Variants in BEND7 observed in about 807,000 individuals in gnomAD.
BEND7 encodes BEN domain containing 7.
A neutral mutation model predicts 50.9 loss-of-function variants in BEND7; 28 were observed. The observed-to-expected ratio is 0.55, with a 90% confidence interval of 0.41 to 0.75. BEND7 has a LOEUF of 0.75. Ranked by LOEUF, BEND7 falls within the 30% of genes least tolerant of loss-of-function variation. The probability of loss-of-function intolerance (pLI) is 0.00; values close to 1 mark genes in which losing one functional copy is unlikely to be tolerated. For missense variants in BEND7, 477 were observed against 491.3 expected (o/e 0.97, Z 0.28); for synonymous variants, 170 against 183.9 (o/e 0.92, Z 0.61).
chr10:13,504,881 A>C (rs1362876494), intron 2 of BEND7, among the ~76,000 whole-genome samples: 4 of 152,200 alleles, frequency 2.6e-5, no homozygotes, highest in Non-Finnish European at 5.9e-5. Context: ...TCAAGACTCT[A>C]CTAGATCACG....
intron 1 of BEND7, among the ~76,000 whole-genome samples, chr10:13,528,209 C>T (rs1401918694): frequency 6.6e-6 from 1 of 151,968 alleles, no homozygotes; most frequent in East Asian, 1.9e-4. Context: ...GAGGAGGGCT[C>T]GGGCCCCCCG....
intron 6 of BEND7, among the ~76,000 whole-genome samples, chr10:13,478,614 G>T (rs773742958): frequency 2.0e-5 from 3 of 152,134 alleles, no homozygotes; most frequent in Non-Finnish European, 1.5e-5. Context: ...TCTTGGAAGG[G>T]TGAGATTAGG....
downstream of BEND7, among the ~76,000 whole-genome samples, chr10:13,439,982 G>C (rs1478588828): frequency 1.3e-5 from 2 of 152,200 alleles, no homozygotes; most frequent in Non-Finnish European, 2.9e-5. Flanking sequence ...TGTCTGCCCA[G>C]TTGGTGTTCA....
At chr10:13,495,831 C>T (rs1305100936) in intron 4 of BEND7, among the ~76,000 whole-genome samples, 5 of 152,248 alleles carry the variant, frequency 3.3e-5, no homozygotes, top group East Asian at 3.9e-4. Flanking sequence ...TTCTGAGTGA[C>T]GACCTTCCGG....
rs371583463 is a variant in BEND7 at position 13,496,344 on chromosome 10, T to C, written c.571+422A>G. Among the ~76,000 whole-genome samples, 332 of 152,346 alleles carry C rather than the reference T, an allele frequency of 2.2e-3. 2 individuals are homozygous for C. Among genetic ancestry groups the C allele is most frequent in the Non-Finnish European group, 2.9e-3 (196 of 68,034 alleles). ...AAGACGACAGAACACGGCGGATTTCTGAGCTTCCGCATCCTGAATAGGAGA... is the reference window on the plus strand; with the variant it reads ...AAGACGACAGAACACGGCGGATTTCCGAGCTTCCGCATCCTGAATAGGAGA... On this transcript the variant is annotated intron_variant, in intron 4 of 8. Coordinates refer to ENST00000466271, the MANE Select transcript of BEND7 (RefSeq NM_001369863.1).
At chr10:13,513,735 G>A (rs1053690767) in intron 2 of BEND7, among the ~76,000 whole-genome samples, 21 of 152,124 alleles carry the variant, frequency 1.4e-4, no homozygotes, top group Non-Finnish European at 2.4e-4. Context: ...AATGCAAATC[G>A]AATTACACTG....
rs567041223 is a variant in BEND7, at chr10:13,498,202, A to G, written c.449-1314T>C. On this transcript the variant is annotated intron_variant, in intron 3 of 8. Coordinates refer to ENST00000466271, the MANE Select transcript of BEND7 (RefSeq NM_001369863.1). ...GCGCTTCTCATGCCTCAGCCCCCCA[A>G]GTAGCTGGGACTACATGCATGCGCT... Among the ~76,000 whole-genome samples, 18 of 151,296 alleles carry G rather than the reference A, an allele frequency of 1.2e-4. No homozygotes were observed. In the South Asian group the frequency reaches 1.5e-3, roughly 12 times the overall value.
At chr10:13,447,693 G>A (rs368698319) in intron 7 of BEND7, among the ~76,000 whole-genome samples, 8 of 151,724 alleles carry the variant, frequency 5.3e-5, no homozygotes, top group Non-Finnish European at 7.4e-5. Context: ...ACAGGCGCCC[G>A]CCACCACGCC....
chr10:13,481,024 C>T lies in BEND7; in HGVS notation c.938G>A (p.Arg313Lys), dbSNP rs1041930214. ...ATCAAAAAACGCACACACCAGTTTT[C>T]TAAACAGAAGGCTTCCTGAGCGAGT... ...NYTRSGSLLF[R>K]KLVCAFFDDK... The change falls in exon 6 of 9, where the codon AGA becomes AAA. Residue 313 changes from arginine to lysine, a missense_variant. Arg to Lys is a conservative substitution (Grantham distance 26, BLOSUM62 2). Around this residue, in one of 3 missense-constraint regions of BEND7, gnomAD observed 396 missense variants for 384.2 expected, o/e 1.03. Transcript: ENST00000466271. The T allele has an allele frequency of 6.2e-7, 1 of 1,614,016 alleles. No homozygotes were observed. Among genetic ancestry groups the T allele is most frequent in the African/African-American group, 1.3e-5 (1 of 74,898 alleles).
chr10:13,456,603 G>A (rs764268720), intron 6 of BEND7, among the ~76,000 whole-genome samples: 5 of 152,122 alleles, frequency 3.3e-5, no homozygotes, highest in African/African-American at 1.2e-4. Flanking sequence ...GGCGGGGGCC[G>A]GGAGAGCAAG....
chr10:13,474,815 A>C lies in BEND7; in HGVS notation c.1063+6084T>G, dbSNP rs146740992. ...GGTTGATACCCATCATCGCTTTTGG[A>C]CTCTGGTCGATACTCATCATTGCTG... is the stretch of plus-strand genomic sequence containing the variant. On this transcript the variant is annotated intron_variant, in intron 6 of 8. Transcript: ENST00000466271. 2.5e-3 allele frequency among the ~76,000 whole-genome samples: 381 copies of C among 152,222 alleles called. 3 individuals are homozygous for C. Among genetic ancestry groups the C allele is most frequent in the African/African-American group, 8.6e-3 (357 of 41,530 alleles).
intron 6 of BEND7, among the ~76,000 whole-genome samples, chr10:13,453,494 G>A (rs1838256490): frequency 6.6e-6 from 1 of 151,988 alleles, no homozygotes; most frequent in East Asian, 1.9e-4. Flanking sequence ...AGAAAATATT[G>A]ACAGATTCAA....
intron 5 of BEND7, among the ~76,000 whole-genome samples, chr10:13,490,468 C>T (rs1192042521): frequency 2.0e-5 from 3 of 152,212 alleles, no homozygotes; most frequent in African/African-American, 2.4e-5. Flanking sequence ...CCCACTCAGT[C>T]CCCGTGTCCC....
intron 2 of BEND7, among the ~76,000 whole-genome samples, chr10:13,503,316 A>T (rs2077618311): frequency 6.6e-6 from 1 of 152,174 alleles, no homozygotes; most frequent in Admixed American, 6.5e-5. Context: ...GAGGAGGAAG[A>T]AACAGTGCTG....
chr10:13,485,428 G>A (rs1219568641), intron 5 of BEND7, among the ~76,000 whole-genome samples: 1 of 152,144 alleles, frequency 6.6e-6, no homozygotes, highest in African/African-American at 2.4e-5. Flanking sequence ...ACGTGCACAG[G>A]GCTGTTTGGA....
chr10:13,480,940 T>C lies in BEND7; in HGVS notation c.1022A>G (p.Asn341Ser), dbSNP rs12247033. Residue 341 changes from asparagine to serine, a missense_variant, in exon 6 of 9, where the codon AAC becomes AGC. Transcript: ENST00000466271. ...AATATTTTGGTCTAGTCCTTTCCGG[T>C]TGTCATTGAGTCCTCTTTTCCTCTT... ...NGKRKRGLND[N>S]RKGLDQNIVG... 305 of 1,614,168 alleles carry C rather than the reference T, an allele frequency of 1.9e-4. 1 individual carries two copies. The African/African-American group carries it at 3.7e-3, about 20-fold the overall frequency.
At chr10:13,488,301 A>G (rs2076391148) in intron 5 of BEND7, among the ~76,000 whole-genome samples, 2 of 151,778 alleles carry the variant, frequency 1.3e-5, no homozygotes, top group South Asian at 4.2e-4. Flanking sequence ...CACCAAGCTG[A>G]AAAACAAGAA....
At chr10:13,461,925 G>T (rs1840294760) in intron 6 of BEND7, among the ~76,000 whole-genome samples, 1 of 151,964 alleles carries the variant, frequency 6.6e-6, no homozygotes, top group African/African-American at 2.4e-5. Context: ...ACAGAAAAAA[G>T]AAAAGAAAAG....
rs575941951 is a variant in BEND7 at position 13,468,775 on chromosome 10, C to G, written c.1063+12124G>C. ...CCAGGTAATTGAGCAGGGTGAGTTG[C>G]AAAGAAAAAAAGGCATTCAAGGTGT... On this transcript the variant is annotated intron_variant, in intron 6 of 8. Coordinates refer to ENST00000466271, the MANE Select transcript of BEND7 (RefSeq NM_001369863.1). Among the ~76,000 whole-genome samples, 4 of 151,774 alleles carry G rather than the reference C, an allele frequency of 2.6e-5. No individual in the cohort carries two copies. In the East Asian group the frequency reaches 7.7e-4, roughly 29 times the overall value.
Sources: gnomAD v4.1 joint callset for allele counts (sites outside exome capture counted in the v4.1 genomes callset) on GRCh38, gnomAD v4.1.1 for gene constraint, gnomAD v4.1.1 regional missense constraint, MANE v1.5 for transcripts, NCBI Gene and HGNC (gene_info 2026-07-23, HGNC 2026-07-21) for gene names.